The following FHIP1A variants were observed in gnomAD, a reference collection of about 807,000 sequenced individuals.
FHIP1A encodes FHF complex subunit HOOK-interacting protein 1A.
In FHIP1A, 61 loss-of-function variants were observed where a neutral mutation model predicts 88.6. The ratio of observed to expected loss-of-function variants is 0.69; its 90% confidence interval spans 0.56 to 0.85. FHIP1A has a LOEUF of 0.85. Ranked by LOEUF, FHIP1A falls within the 40% of genes least tolerant of loss-of-function variation. FHIP1A has a pLI of 0.00. For synonymous variants in FHIP1A, 478 were observed against 496.0 expected, an observed-to-expected ratio of 0.96 and a Z score of 0.48; for missense variants, 1,154 against 1,273.5, an observed-to-expected ratio of 0.91 and a Z score of 1.43.
intron 13 of FHIP1A, among the ~76,000 whole-genome samples, chr4:151,662,170 T>C (rs1216531542): frequency 2.0e-5 from 3 of 152,252 alleles, no homozygotes; most frequent in Non-Finnish European, 4.4e-5. Flanking sequence ...TGACAGGAGA[T>C]GCCTTTGTCA....
intron 3 of FHIP1A, among the ~76,000 whole-genome samples, chr4:151,499,713 C>T (rs768404893): frequency 1.3e-5 from 2 of 152,134 alleles, no homozygotes; most frequent in Non-Finnish European, 2.9e-5. Context: ...AACTTACAAT[C>T]GTCGTGGAAG....
intron 3 of FHIP1A, among the ~76,000 whole-genome samples, chr4:151,527,365 A>T (rs533073237): frequency 1.3e-5 from 2 of 152,348 alleles, no homozygotes; most frequent in East Asian, 3.9e-4. Flanking sequence ...CCACCAAAAA[A>T]ATATGAAAAC....
intron 1 of FHIP1A, among the ~76,000 whole-genome samples, chr4:151,445,548 G>C (rs1489304386): frequency 1.3e-5 from 2 of 151,892 alleles, no homozygotes; most frequent in African/African-American, 2.4e-5. Flanking sequence ...TATCCTCCAG[G>C]AGTCACCTCA....
chr4:151,638,852 A>C (rs1030346529), intron 9 of FHIP1A, 96 bp downstream of exon 9: 1 of 589,194 alleles, frequency 1.7e-6, no homozygotes, highest in African/African-American at 1.9e-5. Context: ...ACTTTATATT[A>C]CTTTGGTTGT....
intron 4 of FHIP1A, among the ~76,000 whole-genome samples, chr4:151,568,311 T>C (rs1253565046): frequency 6.6e-6 from 1 of 152,238 alleles, no homozygotes; most frequent in Non-Finnish European, 1.5e-5. Flanking sequence ...ACTGTTTAGT[T>C]GTTAAATATT....
At chr4:151,505,161 A>G (rs1025327882) in intron 3 of FHIP1A, among the ~76,000 whole-genome samples, 7 of 152,282 alleles carry the variant, frequency 4.6e-5, no homozygotes, top group South Asian at 2.1e-4. Flanking sequence ...TTGTATCACA[A>G]AAGTTCTAGG....
intron 3 of FHIP1A, among the ~76,000 whole-genome samples, chr4:151,504,582 G>T (rs774355539): frequency 7.2e-5 from 9 of 125,524 alleles, no homozygotes; most frequent in Non-Finnish European, 1.4e-4. Context: ...GTTATGTTAT[G>T]TTATGTTATG....
chr4:151,513,031 A>G (rs1455343130), intron 3 of FHIP1A, among the ~76,000 whole-genome samples: 1 of 152,204 alleles, frequency 6.6e-6, no homozygotes, highest in African/African-American at 2.4e-5. Context: ...TGAAGGAAAA[A>G]ATGTTAAGGG....
Position 151,646,787 on chromosome 4 carries a change from G to A in FHIP1A, c.1417+39G>A, listed in dbSNP as rs187648967. 12 of 1,408,960 alleles carry A rather than the reference G, an allele frequency of 8.5e-6. No individual in the cohort carries two copies. In the East Asian group the frequency reaches 2.8e-4, roughly 33 times the overall value. The allele number at this position is 1,408,960 out of a possible 1,614,324, so 87.3% of individuals were successfully genotyped here. A position where few individuals can be genotyped will look rare whatever the true frequency, so the allele number is the denominator to read the frequency against. ...AGTGATGATCTTTAAACAAAAGGAT[G>A]CCAGTTCCATCTCGCCTTGGGATAT... On this transcript the variant is annotated intron_variant, in intron 10 of 13. Transcript: ENST00000435205.
Position 151,574,713 on chromosome 4 carries a change from A to G in FHIP1A, c.106-2737A>G, listed in dbSNP as rs558758226. Among the ~76,000 whole-genome samples, 69 of 152,288 alleles carry G rather than the reference A, an allele frequency of 4.5e-4. 1 individual carries two copies. Among genetic ancestry groups the G allele is most frequent in the African/African-American group, 1.6e-3 (67 of 41,560 alleles). ...TTAGGTAAACTTACAGGAAGGAATA[A>G]CTAATTAACCTTAAAATCTCATTTA... On this transcript the variant is annotated intron_variant, in intron 4 of 13. Coordinates refer to ENST00000435205, the MANE Select transcript of FHIP1A (RefSeq NM_001109977.3).
At position 151,656,939 on chromosome 4, in the gene FHIP1A, C is replaced by T; in HGVS notation, c.2869+41C>T. On this transcript the variant is annotated intron_variant, in intron 13 of 13. Coordinates refer to ENST00000435205, the MANE Select transcript of FHIP1A (RefSeq NM_001109977.3). This position sits in a 1 kb window ranked among gnomAD's most constrained non-coding sequence, Gnocchi z 4.2. ...CCACAGCGCCCCTCCTTAAATTCCT[C>T]CTCCACGTCCCTGGCCTACTGGCCT... 6.6e-7 allele frequency: 1 copy of T among 1,525,328 alleles called. No homozygotes were observed. Among genetic ancestry groups the T allele is most frequent in the Non-Finnish European group, 8.8e-7 (1 of 1,131,640 alleles). The allele number at this position is 1,525,328 out of a possible 1,614,324, so 94.5% of individuals were successfully genotyped here.
chr4:151,551,789 C>T (rs1431753242), intron 3 of FHIP1A, among the ~76,000 whole-genome samples: 1 of 152,178 alleles, frequency 6.6e-6, no homozygotes, highest in African/African-American at 2.4e-5. Context: ...GACTTCATGT[C>T]TAAAACACCA....
chr4:151,503,890 T>C (rs1259518102), intron 3 of FHIP1A, among the ~76,000 whole-genome samples: 1 of 152,206 alleles, frequency 6.6e-6, no homozygotes, highest in Non-Finnish European at 1.5e-5. Flanking sequence ...TTCAATTCTG[T>C]TCCCATCCTT....
intron 3 of FHIP1A, among the ~76,000 whole-genome samples, chr4:151,556,663 T>G (rs765339363): frequency 6.6e-5 from 10 of 152,152 alleles, no homozygotes; most frequent in Non-Finnish European, 1.5e-4. Flanking sequence ...TCATTGTATA[T>G]GTTCTTGGCA....
chr4:151,499,553 A>T (rs1254155903), intron 3 of FHIP1A, among the ~76,000 whole-genome samples: 6 of 152,242 alleles, frequency 3.9e-5, no homozygotes, highest in Non-Finnish European at 7.3e-5. Flanking sequence ...CTGGCTACAA[A>T]GTCCTTGTGC....
Position 151,662,624 on chromosome 4 carries a change from T to G in FHIP1A, c.2993T>G (p.Leu998Arg). The G allele has an allele frequency of 6.4e-7, 1 of 1,551,638 alleles. No homozygotes were observed. The highest frequency in any genetic ancestry group is 8.7e-7 in the Non-Finnish European group (1 of 1,146,968). Reference sequence around the variant, plus strand: ...GCTGAGGCACCCCCCAACCTGCCCCTGCCGGTGAGGAACCCCATGCTGGCT... The same window carrying G: ...GCTGAGGCACCCCCCAACCTGCCCCGGCCGGTGAGGAACCCCATGCTGGCT... The part of the protein sequence containing the change: ...KVAEAPPNLP[L>R]PVRNPMLAAA... The change falls in exon 14 of 14, where the codon CTG becomes CGG. Residue 998 changes from leucine (L) to arginine (R), a missense_variant. Transcript: ENST00000435205.
intron 1 of FHIP1A, among the ~76,000 whole-genome samples, chr4:151,425,144 C>G (rs969662609): frequency 3.3e-5 from 5 of 152,152 alleles, no homozygotes; most frequent in South Asian, 4.1e-4. Context: ...ATACACAGAA[C>G]CATCTGTGAA....
chr4:151,653,849 G>A (rs747112619), intron 11 of FHIP1A, among the ~76,000 whole-genome samples: 2 of 152,140 alleles, frequency 1.3e-5, no homozygotes, highest in African/African-American at 4.8e-5. Context: ...GCAGGGGAAC[G>A]GGAGAGCGGT....
rs191361494 is a variant in FHIP1A, at chr4:151,559,168, C to T, written c.-122-6970C>T. On this transcript the variant is annotated intron_variant, in intron 3 of 13. Coordinates refer to ENST00000435205, the MANE Select transcript of FHIP1A (RefSeq NM_001109977.3). ...CTCTTTTATCCCTACTCATACCCATCAGGCTATACTCATCGTGCAGGTACT... is the reference window on the plus strand; with the variant it reads ...CTCTTTTATCCCTACTCATACCCATTAGGCTATACTCATCGTGCAGGTACT... Among the ~76,000 whole-genome samples the T allele has an allele frequency of 5.1e-4, 77 of 152,302 alleles. No individual in the cohort carries two copies. In the Middle Eastern group the frequency reaches 0.02, roughly 40 times the overall value.
Sources: gnomAD v4.1 joint callset for allele counts (sites outside exome capture counted in the v4.1 genomes callset) on GRCh38, gnomAD v4.1.1 for gene constraint, Gnocchi (gnomAD v3.1) non-coding constraint, MANE v1.5 for transcripts, NCBI Gene and HGNC (gene_info 2026-07-23, HGNC 2026-07-21) for gene names.